LAMA3: variants seen among roughly 807,000 people sequenced by gnomAD.
LAMA3 encodes laminin subunit alpha-3.
A neutral mutation model predicts 402.0 loss-of-function variants in LAMA3; 281 were observed. The ratio of observed to expected loss-of-function variants is 0.70; its 90% confidence interval spans 0.63 to 0.77. LAMA3 has a LOEUF of 0.77. Ranked by LOEUF, LAMA3 falls within the 30% of genes least tolerant of loss-of-function variation. The pLI, the probability that LAMA3 is intolerant of heterozygous loss-of-function variation, is 0.00. For synonymous variants in LAMA3, 1,431 were observed against 1,558.4 expected (o/e 0.92, Z 1.93); for missense variants, 3,840 against 4,215.5 (o/e 0.91, Z 2.47).
chr18:23,742,077 G>A (rs1393045243), intron 2 of LAMA3, among the ~76,000 whole-genome samples: 2 of 152,208 alleles, frequency 1.3e-5, no homozygotes, highest in Non-Finnish European at 2.9e-5. Flanking sequence ...AGCCGAGATC[G>A]TGCCATGGCA....
At chr18:23,753,942 G>T in intron 6 of LAMA3, 130 bp downstream of exon 6, 2 of 723,898 alleles carry the variant, frequency 2.8e-6, no homozygotes. Flanking sequence ...TCAATGAATA[G>T]GTGGGGGGTG....
intron 11 of LAMA3, among the ~76,000 whole-genome samples, chr18:23,779,170 A>C (rs138391393): frequency 2.9e-3 from 435 of 152,304 alleles, no homozygotes; most frequent in Non-Finnish European, 5.0e-3. Flanking sequence ...GCCACTAGAG[A>C]GGCCTTCTCT....
intron 69 of LAMA3, 42 bp from the exon 70 acceptor site, chr18:23,946,102 C>T (rs149551171): frequency 3.4e-5 from 55 of 1,594,998 alleles, no homozygotes; most frequent in Middle Eastern, 1.7e-4. Flanking sequence ...CACCAATTGT[C>T]AAAGGTAAAA....
chr18:23,880,607 G>A (rs959728805), intron 39 of LAMA3, among the ~76,000 whole-genome samples: 17 of 152,162 alleles, frequency 1.1e-4, no homozygotes, highest in East Asian at 3.9e-4. Context: ...GGCTGGGCGC[G>A]ATGGCTCATG....
chr18:23,822,462 A>G (rs1343749997), intron 20 of LAMA3, 87 bp downstream of exon 20: 7 of 1,421,332 alleles, frequency 4.9e-6, no homozygotes, highest in Non-Finnish European at 6.9e-6. Context: ...AAAGTTGATC[A>G]CCCTTAGAAA....
chr18:23,824,355 T>A, intron 20 of LAMA3, 68 bp from the exon 21 acceptor site: 1 of 1,532,146 alleles, frequency 6.5e-7, no homozygotes, highest in Non-Finnish European at 9.0e-7. Flanking sequence ...TGTTCAAAAC[T>A]GAATATCTAA....
At chr18:23,751,229 G>C (rs2061747049) in intron 5 of LAMA3, 141 bp downstream of exon 5, 2 of 784,932 alleles carry the variant, frequency 2.5e-6, no homozygotes, top group Non-Finnish European at 4.2e-6. Flanking sequence ...TGAAATACTA[G>C]ATATAATTAG....
At chr18:23,910,570 T>C (rs898742186) in intron 55 of LAMA3, among the ~76,000 whole-genome samples, 1 of 152,208 alleles carries the variant, frequency 6.6e-6, no homozygotes, top group Non-Finnish European at 1.5e-5. Context: ...GGTAACAAGC[T>C]GGATAGAGGT....
chr18:23,740,605 C>T (rs1457323323), intron 2 of LAMA3, among the ~76,000 whole-genome samples: 1 of 152,060 alleles, frequency 6.6e-6, no homozygotes, highest in Non-Finnish European at 1.5e-5. Context: ...ACTTGAATCT[C>T]GATTTTTTTA....
chr18:23,736,182 C>T (rs1217105669), intron 2 of LAMA3, among the ~76,000 whole-genome samples: 1 of 151,596 alleles, frequency 6.6e-6, no homozygotes, highest in East Asian at 1.9e-4. Flanking sequence ...ATTCTGGCTC[C>T]AGATTCTGCA....
At chr18:23,763,324 T>A in intron 7 of LAMA3, 81 bp from the exon 8 acceptor site, 1 of 944,934 alleles carries the variant, frequency 1.1e-6, no homozygotes, top group Admixed American at 1.7e-5. Context: ...ATAGCTCAAT[T>A]AGCAGTAATA....
intron 1 of LAMA3, among the ~76,000 whole-genome samples, chr18:23,700,299 T>A (rs542159964): frequency 1.7e-4 from 26 of 152,084 alleles, no homozygotes; most frequent in Non-Finnish European, 2.2e-4. Flanking sequence ...TGGGCCCCCT[T>A]TCCTGTAACA....
rs1243960207 is a variant in LAMA3, at chr18:23,689,809, G to A, written c.126G>A (p.Ala42=). ...CGATARDPGA[A]AGLSLHPTYF... ...CGACCGCTCGGGATCCCGGGGCCGCGGCCGGGCTCAGCCTTCACCCGACTT... is the reference window on the plus strand; with the variant it reads ...CGACCGCTCGGGATCCCGGGGCCGCAGCCGGGCTCAGCCTTCACCCGACTT... The change falls in exon 1 of 75, where the codon GCG becomes GCA. Residue 42 remains alanine, a synonymous_variant. Transcript: ENST00000313654. The A allele has an allele frequency of 1.3e-6, 2 of 1,538,590 alleles. No individual in the cohort carries two copies. Among genetic ancestry groups the A allele is most frequent in the Non-Finnish European group, 1.8e-6 (2 of 1,142,734 alleles).
Position 23,912,891 on chromosome 18 carries a change from G to A in LAMA3, c.7329+10G>A, listed in dbSNP as rs754983914. Reference sequence around the variant, plus strand: ...CCTTGGAAATAAAGATGTAAGTATTGCTTGGACATCTCTCTTGTTTTTGAA... The same window carrying A: ...CCTTGGAAATAAAGATGTAAGTATTACTTGGACATCTCTCTTGTTTTTGAA... On this transcript the variant is annotated intron_variant, in intron 56 of 74. Transcript: ENST00000313654. 1.2e-6 allele frequency: 2 copies of A among 1,609,496 alleles called. No individual in the cohort carries two copies. Among genetic ancestry groups the A allele is most frequent in the African/African-American group, 2.7e-5 (2 of 74,856 alleles).
At chr18:23,903,288 A>C (rs535823512) in intron 49 of LAMA3, among the ~76,000 whole-genome samples, 163 bp downstream of exon 49, 1 of 152,360 alleles carries the variant, frequency 6.6e-6, no homozygotes, top group South Asian at 2.1e-4. Flanking sequence ...CTTGCAAAAG[A>C]AGTATGAATG....
chr18:23,740,993 G>A (rs1046834480), intron 2 of LAMA3, among the ~76,000 whole-genome samples: 31 of 149,800 alleles, frequency 2.1e-4, no homozygotes, highest in Middle Eastern at 3.4e-3. Context: ...TCACTCTGTC[G>A]CCCAGGCTGG....
intron 37 of LAMA3, among the ~76,000 whole-genome samples, chr18:23,869,097 T>A (rs773845155): frequency 1.3e-5 from 2 of 152,182 alleles, no homozygotes; most frequent in Non-Finnish European, 2.9e-5. Flanking sequence ...AGAGAATCTC[T>A]AAAAATTCTG....
chr18:23,752,461 C>T (rs1172673805), intron 5 of LAMA3, among the ~76,000 whole-genome samples: 1 of 152,070 alleles, frequency 6.6e-6, no homozygotes, highest in Non-Finnish European at 1.5e-5. Flanking sequence ...ATAATCTTAA[C>T]CCCCCAAGTT....
chr18:23,908,307 G>T (rs1407494482), intron 54 of LAMA3, among the ~76,000 whole-genome samples: 1 of 151,966 alleles, frequency 6.6e-6, no homozygotes, highest in Non-Finnish European at 1.5e-5. Flanking sequence ...GAGGTGGGTG[G>T]ATCACGAGGT....
Sources: gnomAD v4.1 joint callset for allele counts (sites outside exome capture counted in the v4.1 genomes callset) on GRCh38, gnomAD v4.1.1 for gene constraint, MANE v1.5 for transcripts, NCBI Gene and HGNC (gene_info 2026-07-23, HGNC 2026-07-21) for gene names.